The following DLGAP3 variants were observed in gnomAD, a reference collection of about 807,000 sequenced individuals.
DLGAP3 encodes the protein disks large-associated protein 3.
In DLGAP3, 17 loss-of-function variants were observed where a neutral mutation model predicts 81.2. The observed-to-expected ratio is 0.21, with a 90% CI of 0.14 to 0.31. The LOEUF (loss-of-function observed/expected upper bound fraction) is 0.31. Among genes scored for constraint, DLGAP3 ranks in the 10% least tolerant of loss-of-function variants. DLGAP3 has a pLI of 1.00. For synonymous variants in DLGAP3, 577 were observed against 587.4 expected, an observed-to-expected ratio of 0.98 and a Z score of 0.26; for missense variants, 1,124 against 1,388.0, an observed-to-expected ratio of 0.81 and a Z score of 3.02.
At chr1:34,916,267 G>A (rs1027694449) in intron 1 of DLGAP3, among the ~76,000 whole-genome samples, 8 of 152,200 alleles carry the variant, frequency 5.3e-5, no homozygotes, top group East Asian at 1.9e-4. Flanking sequence ...GGAGTGTCCC[G>A]TCCAGGGAGG....
chr1:34,899,195 A>C (rs1639418790), intron 5 of DLGAP3, among the ~76,000 whole-genome samples: 1 of 151,124 alleles, frequency 6.6e-6, no homozygotes, highest in South Asian at 2.1e-4. Flanking sequence ...CAGCCTCCCG[A>C]GTAGCTGGGA....
At chr1:34,926,708 G>A (rs1190569703) in intron 1 of DLGAP3, among the ~76,000 whole-genome samples, 4 of 152,042 alleles carry the variant, frequency 2.6e-5, no homozygotes, top group Admixed American at 6.5e-5. Flanking sequence ...AACCAAATAC[G>A]GGGCCCCTTG....
chr1:34,875,894 T>C (rs983682616), intron 8 of DLGAP3, among the ~76,000 whole-genome samples: 6 of 152,260 alleles, frequency 3.9e-5, no homozygotes, highest in African/African-American at 7.2e-5. Context: ...CAAATGTCAC[T>C]TCCCAGGGAA....
At chr1:34,911,209 C>T (rs182028957) in intron 1 of DLGAP3, among the ~76,000 whole-genome samples, 6 of 152,202 alleles carry the variant, frequency 3.9e-5, no homozygotes, top group South Asian at 2.1e-4. Context: ...ACTTATTCAA[C>T]GCCATTCTGA....
chr1:34,888,482 C>T (rs1029936163), intron 5 of DLGAP3, among the ~76,000 whole-genome samples: 1 of 152,178 alleles, frequency 6.6e-6, no homozygotes, highest in African/African-American at 2.4e-5. Context: ...GGATCTGAAC[C>T]CAAGGTTAAC....
chr1:34,896,585 T>TCACA lies in DLGAP3; in HGVS notation c.1386+3080_1386+3083dup, dbSNP rs10593156. Among the ~76,000 whole-genome samples, 613 of 146,892 alleles carry TCACA rather than the reference T, an allele frequency of 4.2e-3. 6 individuals are homozygous for TCACA. The highest frequency in any genetic ancestry group is 0.038 in the East Asian group (194 of 5,088). Reference sequence around the variant, plus strand: ...GCCTGGGCAACAGAGCCAGACTCCATCACACACACACACACACACACACAC... The same window carrying TCACA: ...GCCTGGGCAACAGAGCCAGACTCCATCACACACACACACACACACACACACACAC... On this transcript the variant is annotated intron_variant, in intron 5 of 11. Coordinates refer to ENST00000373347, the MANE Select transcript of DLGAP3 (RefSeq NM_001080418.3).
Position 34,927,789 on chromosome 1 carries a change from C to T in DLGAP3, c.-135+1662G>A, listed in dbSNP as rs115631635. Among the ~76,000 whole-genome samples, 348 of 152,036 alleles carry T rather than the reference C, an allele frequency of 2.3e-3. 3 individuals are homozygous for T. The highest frequency in any genetic ancestry group is 8.0e-3 in the African/African-American group (330 of 41,442). ...CTGCGCAGTGGTAGAGGGCAGTGCC[C>T]CCAGGGTCAGAGAGAGCACACCAGG... On this transcript the variant is annotated intron_variant, in intron 1 of 11. Coordinates refer to ENST00000373347, the MANE Select transcript of DLGAP3 (RefSeq NM_001080418.3).
At chr1:34,875,721 C>G (rs1304294080) in intron 8 of DLGAP3, among the ~76,000 whole-genome samples, 1 of 152,230 alleles carries the variant, frequency 6.6e-6, no homozygotes, top group African/African-American at 2.4e-5. Flanking sequence ...TGTGCTGGGT[C>G]TAGGGAAACA....
chr1:34,870,437 C>T (rs1472918669), intron 8 of DLGAP3, among the ~76,000 whole-genome samples: 1 of 152,164 alleles, frequency 6.6e-6, no homozygotes, highest in Non-Finnish European at 1.5e-5. Flanking sequence ...TAGGGTCCCT[C>T]CACCTCCCCA....
chr1:34,929,413 C>T lies in DLGAP3; in HGVS notation c.-135+38G>A, dbSNP rs1273130484. 2 of 148,068 alleles carry T rather than the reference C, an allele frequency of 1.4e-5. No individual in the cohort carries two copies. The highest frequency in any genetic ancestry group is 3.0e-5 in the Non-Finnish European group (2 of 66,362). 9.2% of individuals were successfully genotyped at this position (148,068 alleles called of 1,614,324 possible). A position where few individuals can be genotyped will look rare whatever the true frequency, so the allele number is the denominator to read the frequency against. ...CTGGGGGGCGCTGCAGAGGGAGCCG[C>T]GAGCGCGGCCCCGTCCCCACTCCTC... On this transcript the variant is annotated intron_variant, in intron 1 of 11. Coordinates refer to ENST00000373347, the MANE Select transcript of DLGAP3 (RefSeq NM_001080418.3). This position sits in a 1 kb window ranked among gnomAD's most constrained non-coding sequence, Gnocchi z 6.5.
chr1:34,888,400 T>C (rs1013461776), intron 5 of DLGAP3, among the ~76,000 whole-genome samples: 1 of 152,196 alleles, frequency 6.6e-6, no homozygotes, highest in South Asian at 2.1e-4. Flanking sequence ...CTGGCTCCCA[T>C]GTAAGGCTGA....
At chr1:34,889,872 C>T (rs900704520) in intron 5 of DLGAP3, among the ~76,000 whole-genome samples, 3 of 151,980 alleles carry the variant, frequency 2.0e-5, no homozygotes, top group African/African-American at 4.8e-5. Context: ...CCAGTGGAGG[C>T]GGGAGGTGGG....
intron 8 of DLGAP3, among the ~76,000 whole-genome samples, chr1:34,880,130 T>C (rs540790118): frequency 6.6e-6 from 1 of 152,294 alleles, no homozygotes; most frequent in African/African-American, 2.4e-5. Flanking sequence ...CAGAGATCAC[T>C]GCACCCTCAA....
At chr1:34,889,993 C>T (rs979235120) in intron 5 of DLGAP3, among the ~76,000 whole-genome samples, 1 of 152,052 alleles carries the variant, frequency 6.6e-6, no homozygotes, top group Non-Finnish European at 1.5e-5. Flanking sequence ...GAAAGGAGAA[C>T]CTGCATAAAG....
rs1055227135 is a variant in DLGAP3, at chr1:34,900,467, C to T, written c.1108-194G>A. Among the ~76,000 whole-genome samples, 22 of 152,366 alleles carry T rather than the reference C, an allele frequency of 1.4e-4. No homozygotes were observed. Among genetic ancestry groups the T allele is most frequent in the African/African-American group, 4.6e-4 (19 of 41,574 alleles). ...ACAAGAGACACCTCGTCATCCTCCA[C>T]AGACCTTCTGCACTTAATTAAGGGC... On this transcript the variant is annotated intron_variant, in intron 3 of 11. Transcript: ENST00000373347. The surrounding 1 kb of genome is among the most constrained non-coding windows in gnomAD (Gnocchi z 5.6).
In DLGAP3 at chr1:34,902,693, G is replaced by A. The variant is rs1639479855; in HGVS notation, c.1107+1584C>T. On this transcript the variant is annotated intron_variant, in intron 3 of 11. Coordinates refer to ENST00000373347, the MANE Select transcript of DLGAP3 (RefSeq NM_001080418.3). The surrounding 1 kb of genome is among the most constrained non-coding windows in gnomAD (Gnocchi z 4.4). ...ATTCTCTACAGAGAGCAGCAGGCAG[G>A]TGGAGAGAGGCAGGCCAGCAGATGG... is the stretch of plus-strand genomic sequence containing the variant. 6.6e-6 allele frequency among the ~76,000 whole-genome samples: 1 copy of A among 152,164 alleles called. No homozygotes were observed. Among genetic ancestry groups the A allele is most frequent in the South Asian group, 2.1e-4 (1 of 4,832 alleles).
chr1:34,925,476 A>G (rs1268381992), intron 1 of DLGAP3: 2 of 151,934 alleles, frequency 1.3e-5, no homozygotes, highest in Non-Finnish European at 2.9e-5. Flanking sequence ...GCCAGCTCCC[A>G]TCTGGACTGG....
At chr1:34,886,943 CTTTTT>C (rs949966445) in intron 5 of DLGAP3, among the ~76,000 whole-genome samples, 2 of 64,300 alleles carry the variant, frequency 3.1e-5, no homozygotes, top group South Asian at 6.1e-4. Flanking sequence ...CCCCCACCTT[CTTTTT>C]TTTTTTTTTT....
At chr1:34,881,997 C>CA (rs1297042384) in intron 8 of DLGAP3, among the ~76,000 whole-genome samples, 1 of 152,014 alleles carries the variant, frequency 6.6e-6, no homozygotes, top group Non-Finnish European at 1.5e-5. Flanking sequence ...AAGTCCTATT[C>CA]AATGCAATAT....
Sources: gnomAD v4.1 joint callset for allele counts (sites outside exome capture counted in the v4.1 genomes callset) on GRCh38, gnomAD v4.1.1 for gene constraint, Gnocchi (gnomAD v3.1) non-coding constraint, MANE v1.5 for transcripts, NCBI Gene and HGNC (gene_info 2026-07-23, HGNC 2026-07-21) for gene names.